Variants in ERCC1 observed in about 807,000 individuals in gnomAD.
The protein encoded by ERCC1 is DNA excision repair protein ERCC-1.
ERCC1 carries 36 observed loss-of-function variants against 37.6 expected under a neutral mutation model. That is an observed-to-expected ratio of 0.96 (90% CI 0.73 to 1.26). The LOEUF is 1.26. Among genes scored for constraint, ERCC1 ranks in the 50% most tolerant of loss-of-function variants. ERCC1 has a pLI of 0.00. For synonymous variants in ERCC1, 156 were observed against 162.1 expected, an observed-to-expected ratio of 0.96 and a Z score of 0.28; for missense variants, 349 against 376.5, an observed-to-expected ratio of 0.93 and a Z score of 0.60.
At chr19:45,425,866 T>G (rs915529381), upstream of ERCC1, among the ~76,000 whole-genome samples, 1 of 152,232 alleles carries the variant, frequency 6.6e-6, no homozygotes, top group African/African-American at 2.4e-5. Context: ...CTTGCCTGCA[T>G]GTACATGACA....
chr19:45,425,686 A>G (rs888363080), upstream of ERCC1, among the ~76,000 whole-genome samples: 1 of 152,266 alleles, frequency 6.6e-6, no homozygotes, highest in East Asian at 1.9e-4. Flanking sequence ...TATTTTTGAA[A>G]GTGCACCGAG....
intron 1 of ERCC1, among the ~76,000 whole-genome samples, chr19:45,437,026 A>C (rs1050820523): frequency 1.3e-5 from 2 of 152,008 alleles, no homozygotes; most frequent in Admixed American, 6.6e-5. Context: ...AAGGTGGGTG[A>C]ATCACCTGAG....
chr19:45,419,920 T>C (rs1176056606), intron 4 of ERCC1, among the ~76,000 whole-genome samples: 520 of 10,970 alleles, frequency 0.047, 4 homozygotes, highest in African/African-American at 0.15. Context: ...CCCCAGCCCC[T>C]CCTCCCTGAG....
chr19:45,422,104 C>T (rs1974472541), intron 2 of ERCC1, among the ~76,000 whole-genome samples: 1 of 152,146 alleles, frequency 6.6e-6, no homozygotes, highest in African/African-American at 2.4e-5. Context: ...TCACCAGCTC[C>T]TTGCCCACAC....
chr19:45,420,577 C>A lies in ERCC1; in HGVS notation c.322-150G>T. 1.5e-6 allele frequency: 1 copy of A among 686,182 alleles called. No homozygotes were observed. The highest frequency in any genetic ancestry group is 2.7e-6 in the Non-Finnish European group (1 of 374,924). The allele number at this position is 686,182 out of a possible 1,614,324, so 42.5% of individuals were successfully genotyped here. The stretch of plus-strand genomic sequence containing the variant: ...CACCTCTTCCCACACCTCCTCCCTC[C>A]TCCCACCTGTGGCAGGGTCTTTTCC... On this transcript the variant is annotated intron_variant, in intron 3 of 9. Coordinates refer to ENST00000300853, the MANE Select transcript of ERCC1 (RefSeq NM_001983.4). The surrounding 1 kb of genome is among the most constrained non-coding windows in gnomAD (Gnocchi z 4.8).
At chr19:45,413,414 G>A (rs1973857322) in intron 9 of ERCC1, 3 of 659,002 alleles carry the variant, frequency 4.6e-6, no homozygotes, top group East Asian at 2.7e-5. Context: ...CTACAGGCAC[G>A]TAGCAAGCTC....
intron 7 of ERCC1, 55 bp downstream of exon 7, chr19:45,414,806 C>G (rs1973952243): frequency 2.3e-6 from 3 of 1,288,554 alleles, no homozygotes; most frequent in Non-Finnish European, 3.4e-6. Flanking sequence ...TGAAGCTCAA[C>G]CACCCAGGAG....
chr19:45,441,567 G>A (rs1975119345), intron 1 of ERCC1, among the ~76,000 whole-genome samples: 1 of 152,090 alleles, frequency 6.6e-6, no homozygotes, highest in African/African-American at 2.4e-5. Flanking sequence ...TAGAGACGGG[G>A]TTTTACTATG....
Position 45,420,507 on chromosome 19 carries a change from A to ACCTCCTC in ERCC1, c.322-87_322-81dup, listed in dbSNP as rs1246289480. 4 of 857,258 alleles carry ACCTCCTC rather than the reference A, an allele frequency of 4.7e-6. No individual in the cohort carries two copies. The highest frequency in any genetic ancestry group is 7.8e-6 in the Non-Finnish European group (4 of 516,022). 53.1% of individuals were successfully genotyped at this position (857,258 alleles called of 1,614,324 possible). A position where few individuals can be genotyped will look rare whatever the true frequency, so the allele number is the denominator to read the frequency against. ...AGGGCCCTCCTCCACCTCTTCTTGC[A>ACCTCCTC]CCTCCTCCCTCCTCCCACCTCTTCC... On this transcript the variant is annotated intron_variant, in intron 3 of 9. Coordinates refer to ENST00000300853, the MANE Select transcript of ERCC1 (RefSeq NM_001983.4). The surrounding 1 kb of genome is among the most constrained non-coding windows in gnomAD (Gnocchi z 4.8).
intron 1 of ERCC1, among the ~76,000 whole-genome samples, chr19:45,442,102 A>G (rs891989474): frequency 1.3e-5 from 2 of 151,958 alleles, no homozygotes; most frequent in Non-Finnish European, 2.9e-5. Context: ...GCTTGAGCCC[A>G]GGAGTTCAAG....
intron 1 of ERCC1, among the ~76,000 whole-genome samples, chr19:45,440,794 T>C (rs1052664099): frequency 6.6e-6 from 1 of 152,164 alleles, no homozygotes; most frequent in African/African-American, 2.4e-5. Flanking sequence ...AATGCAGTGC[T>C]GGGATCTTAG....
Position 45,408,282 on chromosome 19 carries a change from T to TCAC in ERCC1, c.*1390_*1392dup. The TCAC allele has an allele frequency of 6.2e-7, 1 of 1,613,858 alleles. No homozygotes were observed. Among genetic ancestry groups the TCAC allele is most frequent in the South Asian group, 1.1e-5 (1 of 91,054 alleles). The stretch of plus-strand genomic sequence containing the variant: ...CCCTCAACGGAGGCAGGAGGTGGAC[T>TCAC]CACCTGTGCCTCAGCCCCCCAGGGC... On this transcript the variant is annotated 3_prime_UTR_variant, in exon 10 of 10. Coordinates refer to ENST00000300853, the MANE Select transcript of ERCC1 (RefSeq NM_001983.4).
intron 9 of ERCC1, among the ~76,000 whole-genome samples, chr19:45,411,960 C>T (rs1973765893): frequency 6.6e-6 from 1 of 151,282 alleles, no homozygotes; most frequent in South Asian, 2.1e-4. Context: ...AGGTTCATGC[C>T]ATTCTCCTGC....
upstream of ERCC1, chr19:45,424,348 G>C (rs1974616477): frequency 6.6e-6 from 1 of 152,482 alleles, no homozygotes; most frequent in African/African-American, 2.4e-5. Flanking sequence ...GTTCAGTAAG[G>C]GACACAGACA....
chr19:45,423,084 CTT>C (rs1371228083), intron 2 of ERCC1, among the ~76,000 whole-genome samples, 184 bp downstream of exon 2: 2 of 152,178 alleles, frequency 1.3e-5, no homozygotes, highest in Non-Finnish European at 2.9e-5. Context: ...TTAGCCCTCT[CTT>C]AGAACCACCC....
chr19:45,423,169 C>A, intron 2 of ERCC1, 101 bp downstream of exon 2: 1 of 1,228,940 alleles, frequency 8.1e-7, no homozygotes, highest in South Asian at 1.3e-5. Context: ...TCCGTGGCCC[C>A]CAAATCCACT....
chr19:45,414,155 T>C, intron 7 of ERCC1, 121 bp from the exon 8 acceptor site: 1 of 770,052 alleles, frequency 1.3e-6, no homozygotes, highest in Non-Finnish European at 2.2e-6. Flanking sequence ...AAGCACTCAA[T>C]AAACGCTTTT....
intron 1 of ERCC1, 88 bp downstream of exon 1, chr19:45,423,693 C>CAGGTGCTAGGACAAGG (rs1013125451): frequency 8.0e-7 from 1 of 1,249,260 alleles, no homozygotes; most frequent in African/African-American, 1.5e-5. Flanking sequence ...GGACGCCCTC[C>CAGGTGCTAGGACAAGG]CCACGCCTGG....
At chr19:45,426,847 C>T (rs1302788684), upstream of ERCC1, among the ~76,000 whole-genome samples, 1 of 149,834 alleles carries the variant, frequency 6.7e-6, no homozygotes, top group Non-Finnish European at 1.5e-5. Context: ...GTAATCCCAG[C>T]ACTTTGGAAA....
Sources: gnomAD v4.1 joint callset for allele counts (sites outside exome capture counted in the v4.1 genomes callset) on GRCh38, gnomAD v4.1.1 for gene constraint, Gnocchi (gnomAD v3.1) non-coding constraint, MANE v1.5 for transcripts, NCBI Gene and HGNC (gene_info 2026-07-23, HGNC 2026-07-21) for gene names.